Variants in MAPK7 observed in about 807,000 individuals in gnomAD.
MAPK7 encodes mitogen-activated protein kinase 7.
MAPK7 carries 30 observed loss-of-function variants against 56.9 expected under a neutral mutation model. That is an observed-to-expected ratio of 0.53 (90% CI 0.39 to 0.72). The LOEUF (loss-of-function observed/expected upper bound fraction) is 0.72. MAPK7 is among the 30% of genes least tolerant of loss of function. The probability of loss-of-function intolerance (pLI) is 0.00; values close to 1 mark genes in which losing one functional copy is unlikely to be tolerated. For missense variants in MAPK7, 952 were observed against 1,110.8 expected (o/e 0.86, Z 2.03); for synonymous variants, 516 against 449.3 (o/e 1.15, Z -1.88).
At chr17:19,379,999 G>C in intron 3 of MAPK7, 52 bp downstream of exon 3, 1 of 1,567,208 alleles carries the variant, frequency 6.4e-7, no homozygotes, top group Non-Finnish European at 8.7e-7. Flanking sequence ...TCTGAAGGCT[G>C]CAACCATGTT....
chr17:19,378,265 T>C, upstream of MAPK7: 1 of 985,794 alleles, frequency 1.0e-6, no homozygotes, highest in Non-Finnish European at 1.2e-6. This position sits in a 1 kb window ranked among gnomAD's most constrained non-coding sequence, Gnocchi z 5.4. Flanking sequence ...TGCGCATGCG[T>C]TTGAAGGCGG....
Position 19,383,539 on chromosome 17 carries a change from A to C in MAPK7, c.*308A>C, listed in dbSNP as rs965312973. The C allele has an allele frequency of 1.0e-5, 2 of 198,962 alleles. No homozygotes were observed. The highest frequency in any genetic ancestry group is 4.6e-5 in the African/African-American group (2 of 43,080). 12.3% of individuals were successfully genotyped at this position (198,962 alleles called of 1,614,324 possible). A position where few individuals can be genotyped will look rare whatever the true frequency, so the allele number is the denominator to read the frequency against. On this transcript the variant is annotated 3_prime_UTR_variant, in exon 7 of 7. Coordinates refer to ENST00000395604, the MANE Select transcript of MAPK7 (RefSeq NM_002749.4). ...TGTGAAATACAAGGTTCCCTTCTGC[A>C]CCTGACTCCAGGTGTAATTTTTGGA...
chr17:19,379,073 T>C lies in MAPK7; in HGVS notation c.173T>C (p.Ile58Thr), dbSNP rs1277132817. The change falls in exon 2 of 7, where the codon ATC becomes ACC. Residue 58 changes from isoleucine (I) to threonine (T), a missense_variant. Ile to Thr is a moderately conservative substitution (Grantham distance 89). Transcript: ENST00000395604. ...TFDVGDEYEI[I>T]ETIGNGAYGV... ...GACGTGGGCGACGAGTACGAGATCA[T>C]CGAGACCATAGGCAACGGGGCCTAT... 6.2e-7 allele frequency: 1 copy of C among 1,613,976 alleles called. No individual in the cohort carries two copies. The highest frequency in any genetic ancestry group is 1.7e-5 in the Admixed American group (1 of 60,016).
rs1262578026 is a variant in MAPK7, at chr17:19,383,373, C to G, written c.*142C>G. On this transcript the variant is annotated 3_prime_UTR_variant, in exon 7 of 7. Transcript: ENST00000395604. ...GGTTCATCTCAGACCCACCTTTCAG[C>G]CTTAAGCAGCCACCTGAGCCACCAC... The G allele has an allele frequency of 3.5e-6, 3 of 864,608 alleles. No homozygotes were observed. In the East Asian group the frequency reaches 8.3e-5, roughly 24 times the overall value. The allele number at this position is 864,608 out of a possible 1,614,324, so 53.6% of individuals were successfully genotyped here.
Position 19,379,066 on chromosome 17 carries a change from G to T in MAPK7, c.166G>T (p.Glu56Ter). ...DVTFDVGDEYEIIETIGNGAY... is the reference protein window; with the variant it reads ...DVTFDVGDEY ...GACCTTTGACGTGGGCGACGAGTAC[G>T]AGATCATCGAGACCATAGGCAACGG... is the stretch of plus-strand genomic sequence containing the variant. The change falls in exon 2 of 7, where the codon GAG (glutamate) becomes TAG (stop). Residue 56 changes from glutamate to a stop codon, truncating the protein, a stop_gained. Coordinates refer to ENST00000395604, the MANE Select transcript of MAPK7 (RefSeq NM_002749.4). LOFTEE classifies it high-confidence loss of function. 1 of 1,614,120 alleles carries T rather than the reference G, an allele frequency of 6.2e-7. No individual in the cohort carries two copies. Among genetic ancestry groups the T allele is most frequent in the Non-Finnish European group, 8.5e-7 (1 of 1,180,016 alleles).
chr17:19,380,042 C>A, intron 3 of MAPK7, 95 bp downstream of exon 3: 1 of 1,398,802 alleles, frequency 7.1e-7, no homozygotes, highest in Non-Finnish European at 9.8e-7. Context: ...TGAATCTAAT[C>A]TGAAGCAGGC....
Position 19,383,157 on chromosome 17 carries a change from G to C in MAPK7, c.2377G>C (p.Glu793Gln), listed in dbSNP as rs139282653. The C allele has an allele frequency of 6.2e-7, 1 of 1,613,976 alleles. No individual in the cohort carries two copies. The highest frequency in any genetic ancestry group is 8.5e-7 in the Non-Finnish European group (1 of 1,180,008). ...EGHGMNPADI[E>Q]SLQREIQMDS... The stretch of plus-strand genomic sequence containing the variant: ...CCATGGCATGAACCCTGCCGATATT[G>C]AGTCCCTGCAGCGTGAGATCCAGAT... Residue 793 changes from glutamate (E) to glutamine (Q), a missense_variant, in exon 7 of 7, where the codon GAG (glutamate) becomes CAG (glutamine). Glu to Gln is a conservative substitution (Grantham distance 29). Coordinates refer to ENST00000395604, the MANE Select transcript of MAPK7 (RefSeq NM_002749.4).
rs1258341162 is a variant in MAPK7 at position 19,382,693 on chromosome 17, A to G, written c.2164-120A>G. The G allele has an allele frequency of 2.1e-5, 31 of 1,455,456 alleles. No homozygotes were observed. The African/African-American group carries it at 2.4e-4, about 11-fold the overall frequency. 90.2% of individuals were successfully genotyped at this position (1,455,456 alleles called of 1,614,324 possible). Reference sequence around the variant, plus strand: ...CCAGAGATGGGGCCAGCCAGCACTCACTGACTGCCGAGACTGGTGTTAGCA... The same window carrying G: ...CCAGAGATGGGGCCAGCCAGCACTCGCTGACTGCCGAGACTGGTGTTAGCA... On this transcript the variant is annotated intron_variant, in intron 5 of 6. Transcript: ENST00000395604.
upstream of MAPK7, chr17:19,378,011 G>A (rs1415548989): frequency 1.0e-6 from 1 of 985,308 alleles, no homozygotes; most frequent in South Asian, 4.7e-5. The surrounding 1 kb of genome is among the most constrained non-coding windows in gnomAD (Gnocchi z 5.4). Context: ...ACCCTCTACC[G>A]GGGATGACAC....
At position 19,378,943 on chromosome 17, in the gene MAPK7, G is replaced by T; in HGVS notation, c.43G>T (p.Ala15Ser). ...GGAGGAAGACGGCGAGGACGGCTCT[G>T]CGGAGCCCCCCGGGCCCGTGAAGGC... Reference protein sequence around the residue: ...LKEEDGEDGSAEPPGPVKAEP... With the variant: ...LKEEDGEDGSSEPPGPVKAEP... Residue 15 changes from alanine (A) to serine (S), a missense_variant, in exon 2 of 7, where the codon GCG (alanine) becomes TCG (serine). This residue lies in a region of MAPK7 where 213 missense variants were observed against 243.2 expected (regional missense o/e 0.88). Coordinates refer to ENST00000395604, the MANE Select transcript of MAPK7 (RefSeq NM_002749.4). This position sits in a 1 kb window ranked among gnomAD's most constrained non-coding sequence, Gnocchi z 5.4. 3 of 1,595,254 alleles carry T rather than the reference G, an allele frequency of 1.9e-6. No homozygotes were observed. Among genetic ancestry groups the T allele is most frequent in the Non-Finnish European group, 2.6e-6 (3 of 1,170,732 alleles).
Position 19,383,201 on chromosome 17 carries a change from G to A in MAPK7, c.2421G>A (p.Leu807=). 1 of 1,614,052 alleles carries A rather than the reference G, an allele frequency of 6.2e-7. No individual in the cohort carries two copies. The highest frequency in any genetic ancestry group is 8.5e-7 in the Non-Finnish European group (1 of 1,180,012). The change falls in exon 7 of 7, where the codon CTG becomes CTA. Residue 807 remains leucine (L), a synonymous_variant. Transcript: ENST00000395604. ...REIQMDSPML[L]ADLPDLQDP The stretch of plus-strand genomic sequence containing the variant: ...TCCAGATGGACTCCCCAATGCTGCT[G>A]GCTGACCTGCCTGACCTCCAGGACC...
In MAPK7 at chr17:19,381,546, C is replaced by T. The variant is rs957127698; in HGVS notation, c.1337C>T (p.Pro446Leu). 3.1e-6 allele frequency: 5 copies of T among 1,613,796 alleles called. No homozygotes were observed. The Admixed American group carries it at 6.7e-5, about 22-fold the overall frequency. The change falls in exon 4 of 7, where the codon CCT becomes CTT. Residue 446 changes from proline to leucine, a missense_variant. Transcript: ENST00000395604. The surrounding 1 kb of genome is among the most constrained non-coding windows in gnomAD (Gnocchi z 4.6). ...PAPPPCPGPA[P>L]DTIDLTLQPP... ...CCGCCACCATGCCCCGGCCCTGCAC[C>T]TGACACCATTGATCTGACCCTGCAG...
Position 19,381,117 on chromosome 17 carries a change from C to A in MAPK7, c.908C>A (p.Pro303Gln). Residue 303 changes from proline to glutamine, a missense_variant, in exon 4 of 7, where the codon CCA becomes CAA. Physicochemically the swap from Pro to Gln is moderately conservative, Grantham distance 76. Coordinates refer to ENST00000395604, the MANE Select transcript of MAPK7 (RefSeq NM_002749.4). This position sits in a 1 kb window ranked among gnomAD's most constrained non-coding sequence, Gnocchi z 4.6. ...RVRAYIQSLP[P>Q]RQPVPWETVY... The stretch of plus-strand genomic sequence containing the variant: ...CGGGCCTATATCCAGAGCTTGCCAC[C>A]ACGCCAGCCTGTGCCCTGGGAGACA... 2 of 1,613,920 alleles carry A rather than the reference C, an allele frequency of 1.2e-6. No homozygotes were observed. The highest frequency in any genetic ancestry group is 1.7e-6 in the Non-Finnish European group (2 of 1,179,968).
chr17:19,380,846 G>A lies in MAPK7; in HGVS notation c.637G>A (p.Glu213Lys). 2 of 1,613,774 alleles carry A rather than the reference G, an allele frequency of 1.2e-6. No homozygotes were observed. Among genetic ancestry groups the A allele is most frequent in the South Asian group, 1.1e-5 (1 of 91,036 alleles). ...MARGLCTSPA[E>K]HQYFMTEYVA... Reference sequence around the variant, plus strand: ...TCGTGGCCTGTGCACCTCGCCCGCTGAACATCAGTACTTCATGACTGAGTA... The same window carrying A: ...TCGTGGCCTGTGCACCTCGCCCGCTAAACATCAGTACTTCATGACTGAGTA... The change falls in exon 4 of 7, where the codon GAA becomes AAA. Residue 213 changes from glutamate (E) to lysine (K), a missense_variant. By Grantham distance (56) the Glu-to-Lys change is moderately conservative (BLOSUM62 1). Transcript: ENST00000395604.
Position 19,382,035 on chromosome 17 carries a change from C to T in MAPK7, c.1732C>T (p.Pro578Ser). ...GGAACGCTGGACTCGAATGGCCCGG[C>T]CCGCAGCCCCAGCCCTCACCTCTGT... is the stretch of plus-strand genomic sequence containing the variant. ...LLERWTRMAR[P>S]AAPALTSVPA... The change falls in exon 5 of 7, where the codon CCC (proline) becomes TCC (serine). Residue 578 changes from proline (P) to serine (S), a missense_variant. Pro to Ser is a moderately conservative substitution (Grantham distance 74, BLOSUM62 -1). Around this residue, in one of 5 missense-constraint regions of MAPK7, gnomAD observed 234 missense variants for 210.4 expected, o/e 1.11. Transcript: ENST00000395604. 6.4e-7 allele frequency: 1 copy of T among 1,566,598 alleles called. No individual in the cohort carries two copies. Among genetic ancestry groups the T allele is most frequent in the Admixed American group, 1.9e-5 (1 of 52,136 alleles).
Position 19,382,138 on chromosome 17 carries a change from A to G in MAPK7, c.1835A>G (p.Gln612Arg), listed in dbSNP as rs1438142410. The G allele has an allele frequency of 6.2e-7, 1 of 1,611,176 alleles. No homozygotes were observed. The highest frequency in any genetic ancestry group is 8.5e-7 in the Non-Finnish European group (1 of 1,179,476). The change falls in exon 5 of 7, where the codon CAG (glutamine) becomes CGG (arginine). Residue 612 changes from glutamine (Q) to arginine (R), a missense_variant. By Grantham distance (43) the Gln-to-Arg change is conservative. Around this residue, in one of 5 missense-constraint regions of MAPK7, gnomAD observed 234 missense variants for 210.4 expected, o/e 1.11. Coordinates refer to ENST00000395604, the MANE Select transcript of MAPK7 (RefSeq NM_002749.4). ...PTSPPPGPVA[Q>R]PTGPQPQSAG... ...AGTCCTCCTCCTGGCCCTGTAGCCCAGCCCACTGGCCCGCAACCACAATCT... is the reference window on the plus strand; with the variant it reads ...AGTCCTCCTCCTGGCCCTGTAGCCCGGCCCACTGGCCCGCAACCACAATCT...
chr17:19,379,140 T>C lies in MAPK7; in HGVS notation c.232+8T>C. The C allele has an allele frequency of 6.2e-7, 1 of 1,609,640 alleles. No homozygotes were observed. The highest frequency in any genetic ancestry group is 8.5e-7 in the Non-Finnish European group (1 of 1,178,424). On this transcript the variant is annotated splice_region_variant and intron_variant, in intron 2 of 6. Coordinates refer to ENST00000395604, the MANE Select transcript of MAPK7 (RefSeq NM_002749.4). Reference sequence around the variant, plus strand: ...CCCGCCGCCGCCTCACCGGTGAGCTTCCTGAGCCGTCGCCTCCCAGATGTG... The same window carrying C: ...CCCGCCGCCGCCTCACCGGTGAGCTCCCTGAGCCGTCGCCTCCCAGATGTG...
rs368692655 is a variant in MAPK7, at chr17:19,383,126, C to A, written c.2346C>A (p.Leu782=). 2.5e-6 allele frequency: 4 copies of A among 1,614,076 alleles called. No individual in the cohort carries two copies. In the East Asian group the frequency reaches 8.9e-5, roughly 36 times the overall value. The change falls in exon 7 of 7, where the codon CTC becomes CTA. Residue 782 remains leucine (L), a synonymous_variant. Coordinates refer to ENST00000395604, the MANE Select transcript of MAPK7 (RefSeq NM_002749.4). ...SLSASLLADW[L]EGHGMNPADI... is the part of the protein sequence containing the mutation. ...CAGCCTCCCTGCTTGCTGACTGGCT[C>A]GAAGGCCATGGCATGAACCCTGCCG...
Position 19,380,922 on chromosome 17 carries a change from A to G in MAPK7, c.713A>G (p.Glu238Gly). The change falls in exon 4 of 7, where the codon GAG becomes GGG. Residue 238 changes from glutamate to glycine, a missense_variant. Physicochemically the swap from Glu to Gly is moderately conservative, Grantham distance 98 (BLOSUM62 -2). Coordinates refer to ENST00000395604, the MANE Select transcript of MAPK7 (RefSeq NM_002749.4). ...CCCGAGCTCATGCTCTCTTTGCATG[A>G]GTATACACAGGCTATTGACCTCTGG... is the stretch of plus-strand genomic sequence containing the variant. Reference protein sequence around the residue: ...RAPELMLSLHEYTQAIDLWSV... With the variant: ...RAPELMLSLHGYTQAIDLWSV... The G allele has an allele frequency of 6.2e-7, 1 of 1,614,186 alleles. No individual in the cohort carries two copies. Among genetic ancestry groups the G allele is most frequent in the South Asian group, 1.1e-5 (1 of 91,084 alleles).
Sources: gnomAD v4.1 joint callset for allele counts on GRCh38, gnomAD v4.1.1 for gene constraint, gnomAD v4.1.1 regional missense constraint, Gnocchi (gnomAD v3.1) non-coding constraint, MANE v1.5 for transcripts, NCBI Gene and HGNC (gene_info 2026-07-23, HGNC 2026-07-21) for gene names.